The following CCDC7 variants were observed in gnomAD, a reference collection of about 807,000 sequenced individuals.
CCDC7 encodes coiled-coil domain containing 7, also known as coiled-coil domain-containing protein 7.
In CCDC7, 183 loss-of-function variants were observed where a neutral mutation model predicts 196.9. That is an observed-to-expected ratio of 0.93 (90% CI 0.82 to 1.05). The LOEUF is 1.05. Among genes scored for constraint, CCDC7 ranks in the 50% least tolerant of loss-of-function variants. CCDC7 has a pLI of 0.00. For missense variants in CCDC7, 1,540 were observed against 1,482.2 expected (o/e 1.04, Z -0.64); for synonymous variants, 525 against 484.6 (o/e 1.08, Z -1.10).
At chr10:32,536,700 T>G (rs1452929875) in intron 11 of CCDC7, among the ~76,000 whole-genome samples, 1 of 152,160 alleles carries the variant, frequency 6.6e-6, no homozygotes, top group Non-Finnish European at 1.5e-5. Context: ...ATGTCTGATG[T>G]TCCTCTCCTA....
chr10:32,661,352 G>A (rs1414654926), intron 20 of CCDC7, among the ~76,000 whole-genome samples: 6 of 149,098 alleles, frequency 4.0e-5, no homozygotes, highest in African/African-American at 9.9e-5. Context: ...GGAGAAATAG[G>A]AACACTTTTA....
chr10:32,701,868 C>G lies in CCDC7; in HGVS notation c.2458+6876C>G, dbSNP rs568351484. Among the ~76,000 whole-genome samples, 16 of 152,150 alleles carry G rather than the reference C, an allele frequency of 1.1e-4. No individual in the cohort carries two copies. The East Asian group carries it at 1.3e-3, about 13-fold the overall frequency. On this transcript the variant is annotated intron_variant, in intron 24 of 41. Transcript: ENST00000639629. ...TCTGTGGGATCGGTGGTGATATCCC[C>G]TTTATCATTTTTTATTGCGTCAATT...
chr10:32,511,073 T>A (rs2046034795), intron 9 of CCDC7, among the ~76,000 whole-genome samples: 1 of 151,574 alleles, frequency 6.6e-6, no homozygotes, highest in African/African-American at 2.4e-5. Flanking sequence ...GAAATAAGAG[T>A]CTCATCAAAA....
At chr10:32,815,096 A>C (rs2088113203) in intron 31 of CCDC7, among the ~76,000 whole-genome samples, 1 of 152,076 alleles carries the variant, frequency 6.6e-6, no homozygotes, top group African/African-American at 2.4e-5. Flanking sequence ...ACAAACAAAA[A>C]CAACAAGCCC....
At chr10:32,599,717 T>C (rs2060796809) in intron 18 of CCDC7, among the ~76,000 whole-genome samples, 1 of 150,046 alleles carries the variant, frequency 6.7e-6, no homozygotes, top group Admixed American at 6.6e-5. Flanking sequence ...GGATGAATTA[T>C]ACAATGGTGA....
intron 9 of CCDC7, chr10:32,511,538 C>A (rs1279292008): frequency 3.1e-6 from 5 of 1,608,256 alleles, no homozygotes; most frequent in East Asian, 4.5e-5. Flanking sequence ...CAAATAAACC[C>A]AAAACATTGA....
chr10:32,822,836 TTAAAGCAACAGGATAATAA>T (rs2090480500), intron 31 of CCDC7, among the ~76,000 whole-genome samples: 1 of 152,148 alleles, frequency 6.6e-6, no homozygotes, highest in South Asian at 2.1e-4. Context: ...TTTGTAAAAT[TTAAAGCAACAGGATAATAA>T]TGTAAGGGAG....
chr10:32,633,213 GCACACACACACACA>G (rs5784300), intron 18 of CCDC7, among the ~76,000 whole-genome samples: 1 of 151,018 alleles, frequency 6.6e-6, no homozygotes, highest in East Asian at 2.0e-4. Context: ...GCGCGTGCAC[GCACACACACACACA>G]CACACACACA....
chr10:32,569,766 G>T (rs1200849328), intron 15 of CCDC7, among the ~76,000 whole-genome samples: 1 of 152,040 alleles, frequency 6.6e-6, no homozygotes, highest in African/African-American at 2.4e-5. Context: ...CCTCTTAGCA[G>T]CATTTAATAT....
rs17296149 is a variant in CCDC7, at chr10:32,470,190, C to A, written c.511-874C>A. ...CAAAAATGAAGTCTCTGTTCTAAAT[C>A]CCCAGTGCTAGAATTTATCTTTGCG... On this transcript the variant is annotated intron_variant, in intron 5 of 41. Coordinates refer to ENST00000639629, the Ensembl canonical transcript of CCDC7. Among the ~76,000 whole-genome samples the A allele has an allele frequency of 8.7e-3, 1,324 of 152,232 alleles. 7 individuals carry two copies. Among genetic ancestry groups the A allele is most frequent in the Middle Eastern group, 0.031 (9 of 294 alleles).
intron 38 of CCDC7, 110 bp downstream of exon 39, chr10:32,848,026 T>C: frequency 1.7e-6 from 1 of 577,568 alleles, no homozygotes; most frequent in Non-Finnish European, 2.8e-6. Context: ...TGGGCAAATG[T>C]CTTCATGAAT....
intron 3 of CCDC7, among the ~76,000 whole-genome samples, chr10:32,458,678 G>A (rs2034926887): frequency 6.6e-6 from 1 of 152,018 alleles, no homozygotes; most frequent in African/African-American, 2.4e-5. Context: ...AAGTCAGATA[G>A]TGTGTTGCCT....
intron 24 of CCDC7, among the ~76,000 whole-genome samples, chr10:32,697,919 C>G (rs558112953): frequency 7.9e-5 from 12 of 152,304 alleles, no homozygotes; most frequent in Admixed American, 1.3e-4. Context: ...AGACATCTCC[C>G]AGTAGGGGCT....
chr10:32,747,938 A>T (rs112160343), intron 28 of CCDC7, among the ~76,000 whole-genome samples: 4 of 152,244 alleles, frequency 2.6e-5, no homozygotes, highest in African/African-American at 9.6e-5. Context: ...CACTATTGAC[A>T]ATAGCAAAGA....
Position 32,460,541 on chromosome 10 carries a change from G to T in CCDC7, c.457-2142G>T, listed in dbSNP as rs546720625. ...AGTTTCCCATCAGGTTCCAGTGCAGGAAGGGAAGTTTTGAGAACCCCGGAA... is the reference window on the plus strand; with the variant it reads ...AGTTTCCCATCAGGTTCCAGTGCAGTAAGGGAAGTTTTGAGAACCCCGGAA... On this transcript the variant is annotated intron_variant, in intron 3 of 41. Coordinates refer to ENST00000639629, the Ensembl canonical transcript of CCDC7. Among the ~76,000 whole-genome samples the T allele has an allele frequency of 9.3e-4, 142 of 152,282 alleles. 1 individual carries two copies. The highest frequency in any genetic ancestry group is 1.7e-3 in the Non-Finnish European group (117 of 68,018).
chr10:32,649,066 C>A (rs2068265661), intron 20 of CCDC7, among the ~76,000 whole-genome samples: 1 of 152,136 alleles, frequency 6.6e-6, no homozygotes, highest in South Asian at 2.1e-4. Context: ...GAACAGAAAA[C>A]TAAATACCAC....
chr10:32,783,850 A>T (rs980689600), intron 29 of CCDC7, among the ~76,000 whole-genome samples: 4 of 152,270 alleles, frequency 2.6e-5, no homozygotes, highest in Non-Finnish European at 4.4e-5. Flanking sequence ...CTACAAAGTG[A>T]ATGAATCTTG....
At chr10:32,597,885 C>T (rs1168184988) in intron 18 of CCDC7, among the ~76,000 whole-genome samples, 1 of 152,166 alleles carries the variant, frequency 6.6e-6, no homozygotes, top group Non-Finnish European at 1.5e-5. Context: ...AGAGGGGCAC[C>T]CGGCCTTATG....
In CCDC7 at chr10:32,866,797, G is replaced by T. The variant is rs941839004; in HGVS notation, c.4112-9550G>T. ...GTGAGTTTATGGGAACTAAGTATCT[G>T]CCCCAAATTACCTATTACTTATAAA... is the stretch of plus-strand genomic sequence containing the variant. On this transcript the variant is annotated intron_variant, in intron 41 of 41. Transcript: ENST00000639629. Among the ~76,000 whole-genome samples, 4 of 151,534 alleles carry T rather than the reference G, an allele frequency of 2.6e-5. No individual in the cohort carries two copies. The South Asian group carries it at 8.3e-4, about 31-fold the overall frequency.
Sources: allele counts gnomAD v4.1 joint callset (sites outside exome capture counted in the v4.1 genomes callset), GRCh38; gene constraint gnomAD v4.1.1; transcripts MANE v1.5; gene names NCBI Gene and HGNC (gene_info 2026-07-23, HGNC 2026-07-21).